Variants in FOXN3 observed in about 807,000 individuals in gnomAD.
FOXN3 encodes the protein forkhead box N3.
FOXN3 carries 7 observed loss-of-function variants against 38.4 expected under a neutral mutation model. The ratio of observed to expected loss-of-function variants is 0.18; its 90% CI spans 0.10 to 0.34. FOXN3 has a LOEUF of 0.34. Among genes scored for constraint, FOXN3 ranks in the 10% least tolerant of loss-of-function variants. The pLI is 1.00. For synonymous variants in FOXN3, 230 were observed against 242.2 expected, an observed-to-expected ratio of 0.95 and a Z score of 0.47; for missense variants, 456 against 613.4, an observed-to-expected ratio of 0.74 and a Z score of 2.71.
At chr14:89,392,727 G>A (rs2140078987) in intron 2 of FOXN3, among the ~76,000 whole-genome samples, 1 of 143,916 alleles carries the variant, frequency 6.9e-6, no homozygotes, top group East Asian at 2.2e-4. Context: ...TGCAACCTCC[G>A]ACCCCCAGGT....
At chr14:89,543,280 G>C (rs943172538) in intron 1 of FOXN3, among the ~76,000 whole-genome samples, 2 of 152,136 alleles carry the variant, frequency 1.3e-5, no homozygotes, top group Admixed American at 6.6e-5. Flanking sequence ...TGCCTGTGAG[G>C]TAGTTTCTAC....
chr14:89,471,916 A>T (rs1893103404), intron 1 of FOXN3, among the ~76,000 whole-genome samples: 1 of 152,232 alleles, frequency 6.6e-6, no homozygotes, highest in South Asian at 2.1e-4. Context: ...GATGACTTGG[A>T]ACAGAGTCCT....
At chr14:89,389,959 C>T (rs1890891731) in intron 2 of FOXN3, among the ~76,000 whole-genome samples, 1 of 152,090 alleles carries the variant, frequency 6.6e-6, no homozygotes, top group African/African-American at 2.4e-5. Context: ...GTGGCTCACA[C>T]CTGCTATCCC....
chr14:89,418,027 C>CCA (rs1486523942), upstream of FOXN3, among the ~76,000 whole-genome samples: 1 of 152,216 alleles, frequency 6.6e-6, no homozygotes, highest in East Asian at 1.9e-4. Flanking sequence ...AATGGTGCAG[C>CCA]CACCACTCTA....
chr14:89,380,429 T>C (rs1214565493), intron 2 of FOXN3, among the ~76,000 whole-genome samples: 1 of 152,220 alleles, frequency 6.6e-6, no homozygotes, highest in Non-Finnish European at 1.5e-5. Flanking sequence ...TTCACAGGGA[T>C]ACCAAAGGAC....
chr14:89,391,198 G>A (rs1015852596), intron 2 of FOXN3, among the ~76,000 whole-genome samples: 8 of 152,190 alleles, frequency 5.3e-5, no homozygotes, highest in African/African-American at 1.7e-4. Flanking sequence ...TTTCAAGGGC[G>A]GTAAGTGAAT....
chr14:89,278,479 C>T (rs1886365413), intron 4 of FOXN3, among the ~76,000 whole-genome samples: 1 of 152,110 alleles, frequency 6.6e-6, no homozygotes, highest in African/African-American at 2.4e-5. Context: ...GCAAGTTATC[C>T]CCCACCCTGG....
intron 2 of FOXN3, among the ~76,000 whole-genome samples, chr14:89,382,971 T>A (rs577242114): frequency 6.6e-6 from 1 of 150,424 alleles, no homozygotes; most frequent in African/African-American, 2.4e-5. Context: ...ATTCCCTCGA[T>A]ACTCTATTGC....
At chr14:89,314,763 G>A (rs543455373) in intron 3 of FOXN3, among the ~76,000 whole-genome samples, 79 of 152,210 alleles carry the variant, frequency 5.2e-4, no homozygotes, top group African/African-American at 1.8e-3. Flanking sequence ...TAGGCCACAC[G>A]TGTATGCACA....
intron 1 of FOXN3, among the ~76,000 whole-genome samples, chr14:89,601,295 T>C (rs1372210389): frequency 1.3e-5 from 2 of 152,218 alleles, no homozygotes; most frequent in Non-Finnish European, 2.9e-5. Context: ...CCAACATTTT[T>C]CCAAAACACA....
At chr14:89,365,317 T>C (rs1890106601) in intron 2 of FOXN3, among the ~76,000 whole-genome samples, 1 of 152,348 alleles carries the variant, frequency 6.6e-6, no homozygotes, top group South Asian at 2.1e-4. Context: ...CTCTACACTA[T>C]TGTTTCCCAA....
chr14:89,604,786 G>A (rs182568555), intron 1 of FOXN3, among the ~76,000 whole-genome samples: 93 of 152,192 alleles, frequency 6.1e-4, no homozygotes, highest in African/African-American at 2.1e-3. Context: ...AAAAACAGTC[G>A]TAAAGTACTC....
chr14:89,530,847 T>A (rs1337096788), intron 1 of FOXN3, among the ~76,000 whole-genome samples: 2 of 150,670 alleles, frequency 1.3e-5, no homozygotes, highest in East Asian at 2.0e-4. Context: ...TGACGTAAAG[T>A]GATCCACCTG....
chr14:89,507,535 T>C (rs529175429), intron 1 of FOXN3, among the ~76,000 whole-genome samples: 13 of 152,236 alleles, frequency 8.5e-5, no homozygotes, highest in Non-Finnish European at 1.9e-4. Flanking sequence ...GCCTTAACTT[T>C]ATTGTAAGGA....
chr14:89,608,163 A>G (rs61996550), intron 1 of FOXN3, among the ~76,000 whole-genome samples: 128,862 of 140,736 alleles, frequency 0.92, 58,634 homozygotes, highest in East Asian at 1. Context: ...TATTTTTAGT[A>G]GAGATGGGGG....
intron 1 of FOXN3, among the ~76,000 whole-genome samples, chr14:89,445,436 G>GTTT (rs1419055197): frequency 6.6e-6 from 1 of 152,158 alleles, no homozygotes; most frequent in African/African-American, 2.4e-5. Flanking sequence ...ATCATGCCTT[G>GTTT]TTTTTATTTG....
chr14:89,321,972 T>C (rs1887910702), intron 3 of FOXN3, among the ~76,000 whole-genome samples: 2 of 152,198 alleles, frequency 1.3e-5, no homozygotes, highest in African/African-American at 4.8e-5. Flanking sequence ...AGCAAGAATC[T>C]TTTAGGTCCT....
At chr14:89,283,764 C>T (rs1886532572) in intron 3 of FOXN3, among the ~76,000 whole-genome samples, 1 of 152,112 alleles carries the variant, frequency 6.6e-6, no homozygotes, top group Admixed American at 6.5e-5. Context: ...CATTACATGA[C>T]CCTAGGATCA....
rs1201863921 is a variant in FOXN3, at chr14:89,197,472, C to T, written c.746-16666G>A. Among the ~76,000 whole-genome samples, 5 of 151,326 alleles carry T rather than the reference C, an allele frequency of 3.3e-5. No individual in the cohort carries two copies. In the East Asian group the frequency reaches 9.7e-4, roughly 29 times the overall value. The stretch of plus-strand genomic sequence containing the variant: ...AGTGAGCCGAGATGGTGCCACTGCA[C>T]TCCAGCCTGGGCGACAGAGCAAGAC... On this transcript the variant is annotated intron_variant, in intron 4 of 5. Coordinates refer to ENST00000557258, the MANE Select transcript of FOXN3 (RefSeq NM_005197.4).
Sources: gnomAD v4.1 joint callset for allele counts (sites outside exome capture counted in the v4.1 genomes callset) on GRCh38, gnomAD v4.1.1 for gene constraint, MANE v1.5 for transcripts, NCBI Gene and HGNC (gene_info 2026-07-23, HGNC 2026-07-21) for gene names.